Variants in SCHIP1 observed in about 807,000 individuals in gnomAD.
SCHIP1 encodes the protein schwannomin interacting protein 1, also known as schwannomin-interacting protein 1.
A neutral mutation model predicts 29.7 loss-of-function variants in SCHIP1; 8 were observed. The observed-to-expected ratio is 0.27, with a 90% CI of 0.16 to 0.49. SCHIP1 has a LOEUF of 0.49. Among genes scored for constraint, SCHIP1 ranks in the 20% least tolerant of loss-of-function variants. The pLI is 0.99. For missense variants in SCHIP1, 193 were observed against 294.6 expected, an observed-to-expected ratio of 0.66 and a Z score of 2.52; for synonymous variants, 76 against 94.9, an observed-to-expected ratio of 0.80 and a Z score of 1.16.
chr3:159,466,045 G>GA, the SCHIP1 span, among the ~76,000 whole-genome samples: 4 of 151,414 alleles, frequency 2.6e-5, no homozygotes, highest in Non-Finnish European at 4.4e-5. Flanking sequence ...GGATTTTTTT[G>GA]AAAAAAAATT....
At chr3:159,660,230 G>T in the SCHIP1 span, among the ~76,000 whole-genome samples, 1 of 152,132 alleles carries the variant, frequency 6.6e-6, no homozygotes, top group African/African-American at 2.4e-5. Flanking sequence ...ATGATGATGG[G>T]AGTCGGATAT....
chr3:159,672,407 G>A, the SCHIP1 span, among the ~76,000 whole-genome samples: 1 of 152,208 alleles, frequency 6.6e-6, no homozygotes, highest in Non-Finnish European at 1.5e-5. Flanking sequence ...CTTCACATGG[G>A]TGCTGCTATT....
At chr3:159,461,974 C>T in the SCHIP1 span, among the ~76,000 whole-genome samples, 1 of 152,028 alleles carries the variant, frequency 6.6e-6, no homozygotes, top group African/African-American at 2.4e-5. Context: ...CTTTGAAAGG[C>T]CGAGGTGGGC....
the SCHIP1 span, among the ~76,000 whole-genome samples, chr3:159,595,212 C>G: frequency 1.3e-5 from 2 of 152,156 alleles, no homozygotes; most frequent in Non-Finnish European, 2.9e-5. Context: ...CCTACTGAGC[C>G]CCTGCTTCTC....
the SCHIP1 span, among the ~76,000 whole-genome samples, chr3:159,286,538 G>A: frequency 6.6e-6 from 1 of 152,146 alleles, no homozygotes; most frequent in East Asian, 1.9e-4. Flanking sequence ...TAGCATACAT[G>A]AGCATGTGTC....
the SCHIP1 span, among the ~76,000 whole-genome samples, chr3:159,526,344 T>C: frequency 2.6e-5 from 4 of 151,964 alleles, no homozygotes; most frequent in Non-Finnish European, 1.5e-5. Context: ...AATTTTTTTA[T>C]TTTTTGTAGA....
chr3:159,614,883 C>T, the SCHIP1 span, among the ~76,000 whole-genome samples: 8 of 152,230 alleles, frequency 5.3e-5, no homozygotes, highest in South Asian at 2.1e-4. Flanking sequence ...GCAAGGGACA[C>T]GAAGTGAAAT....
the SCHIP1 span, among the ~76,000 whole-genome samples, chr3:159,507,827 A>G: frequency 6.6e-6 from 1 of 152,218 alleles, no homozygotes; most frequent in Admixed American, 6.5e-5. Flanking sequence ...CCACTTGATC[A>G]TAGTGGATAA....
At chr3:159,713,980 T>C in the SCHIP1 span, among the ~76,000 whole-genome samples, 5,572 of 152,322 alleles carry the variant, frequency 0.037, 210 homozygotes, top group African/African-American at 0.095. Flanking sequence ...CTCATGCCTG[T>C]AATCCCAACA....
chr3:159,587,227 T>G, the SCHIP1 span, among the ~76,000 whole-genome samples: 1 of 152,196 alleles, frequency 6.6e-6, no homozygotes, highest in African/African-American at 2.4e-5. Context: ...CAATCAAGTT[T>G]AAGAGTTACT....
the SCHIP1 span, among the ~76,000 whole-genome samples, chr3:159,444,656 C>T: frequency 6.6e-6 from 1 of 152,060 alleles, no homozygotes; most frequent in Non-Finnish European, 1.5e-5. Context: ...ACAAATAAGT[C>T]TAATACAAGA....
chr3:159,684,242 A>G, the SCHIP1 span, among the ~76,000 whole-genome samples: 1 of 152,140 alleles, frequency 6.6e-6, no homozygotes, highest in Non-Finnish European at 1.5e-5. Flanking sequence ...GATGTTATTC[A>G]AACTAGCCAG....
the SCHIP1 span, among the ~76,000 whole-genome samples, chr3:159,757,401 C>G: frequency 6.6e-5 from 10 of 152,308 alleles, no homozygotes; most frequent in East Asian, 1.9e-3. Context: ...CAGAAAAGAG[C>G]TGCCCCCATG....
At chr3:159,552,507 G>T in the SCHIP1 span, among the ~76,000 whole-genome samples, 3 of 152,078 alleles carry the variant, frequency 2.0e-5, no homozygotes, top group Non-Finnish European at 2.9e-5. Context: ...TTACTTCCAT[G>T]TTCAACTGCA....
chr3:159,804,729 G>A, the SCHIP1 span, among the ~76,000 whole-genome samples: 1 of 152,224 alleles, frequency 6.6e-6, no homozygotes, highest in Non-Finnish European at 1.5e-5. Context: ...ACAGTGATGA[G>A]ATTGGTTGGC....
At chr3:159,651,981 T>C in the SCHIP1 span, among the ~76,000 whole-genome samples, 1 of 151,982 alleles carries the variant, frequency 6.6e-6, no homozygotes, top group Non-Finnish European at 1.5e-5. Context: ...CTGTAGTCCC[T>C]GCTATTGGGG....
chr3:159,819,615 A>G, the SCHIP1 span, among the ~76,000 whole-genome samples: 6 of 152,228 alleles, frequency 3.9e-5, no homozygotes, highest in African/African-American at 1.2e-4. Flanking sequence ...CAGTTAAAAA[A>G]ACATTTCCCC....
At chr3:159,458,366 A>G in the SCHIP1 span, among the ~76,000 whole-genome samples, 1 of 152,164 alleles carries the variant, frequency 6.6e-6, no homozygotes, top group Non-Finnish European at 1.5e-5. Flanking sequence ...GTGTTTAACT[A>G]CATCTCCCAA....
At chr3:159,706,092 C>T in the SCHIP1 span, among the ~76,000 whole-genome samples, 1 of 152,144 alleles carries the variant, frequency 6.6e-6, no homozygotes, top group Admixed American at 6.5e-5. Context: ...CTAATTATAG[C>T]TTGAAAGAGC....
Sources: gnomAD v4.1 joint callset for allele counts (sites outside exome capture counted in the v4.1 genomes callset) on GRCh38, gnomAD v4.1.1 for gene constraint, MANE v1.5 for transcripts, NCBI Gene and HGNC (gene_info 2026-07-23, HGNC 2026-07-21) for gene names.